The following PDE10A variants were observed in gnomAD, a reference collection of about 807,000 sequenced individuals.
PDE10A encodes phosphodiesterase 10A, also known as cAMP and cAMP-inhibited cGMP 3',5'-cyclic phosphodiesterase 10A.
Under a neutral mutation model 97.7 loss-of-function variants are expected in PDE10A, and 39 were observed. That is an observed-to-expected ratio of 0.40 (90% CI 0.31 to 0.52). The LOEUF (loss-of-function observed/expected upper bound fraction) is 0.52. PDE10A is among the 20% of genes least tolerant of loss of function. PDE10A has a pLI of 0.56. For synonymous variants in PDE10A, 371 were observed against 376.8 expected, an observed-to-expected ratio of 0.98 and a Z score of 0.18; for missense variants, 731 against 1,047.8, an observed-to-expected ratio of 0.70 and a Z score of 4.17.
At chr6:165,859,954 T>C (rs953554805) in intron 1 of PDE10A, among the ~76,000 whole-genome samples, 1 of 152,094 alleles carries the variant, frequency 6.6e-6, no homozygotes, top group African/African-American at 2.4e-5. Context: ...AAACCAAACA[T>C]CATATGTTCT....
At chr6:165,359,776 T>C (rs1431773300) in intron 18 of PDE10A, among the ~76,000 whole-genome samples, 1 of 152,124 alleles carries the variant, frequency 6.6e-6, no homozygotes, top group East Asian at 1.9e-4. Context: ...TTTGGTGGGC[T>C]ATATGTAACA....
At chr6:165,500,849 T>C (rs1780829520) in intron 2 of PDE10A, among the ~76,000 whole-genome samples, 1 of 152,136 alleles carries the variant, frequency 6.6e-6, no homozygotes, top group African/African-American at 2.4e-5. Flanking sequence ...AAAACCGCCT[T>C]AGGGCTGAAG....
intron 1 of PDE10A, among the ~76,000 whole-genome samples, chr6:165,783,070 T>C (rs1204412748): frequency 6.7e-6 from 1 of 149,984 alleles, no homozygotes; most frequent in Non-Finnish European, 1.5e-5. Flanking sequence ...TGTAGAATTA[T>C]GTGGTCTGTG....
At chr6:165,933,937 G>A (rs1057064076) in intron 1 of PDE10A, among the ~76,000 whole-genome samples, 98 of 151,942 alleles carry the variant, frequency 6.4e-4, no homozygotes, top group African/African-American at 2.3e-3. Context: ...TAAATTCTGG[G>A]ACAAAAGCAC....
intron 1 of PDE10A, among the ~76,000 whole-genome samples, chr6:165,773,587 G>A (rs1294349537): frequency 6.6e-6 from 1 of 152,028 alleles, no homozygotes; most frequent in African/African-American, 2.4e-5. Flanking sequence ...ATATAGCCAA[G>A]AACAAAAAAT....
chr6:165,825,181 AAG>A (rs1779697971), intron 1 of PDE10A, among the ~76,000 whole-genome samples: 3 of 150,906 alleles, frequency 2.0e-5, no homozygotes, highest in Admixed American at 1.3e-4. Flanking sequence ...AAAAAAAAGA[AAG>A]GGGGGCATTT....
intron 2 of PDE10A, among the ~76,000 whole-genome samples, chr6:165,542,639 G>A (rs1156871230): frequency 1.4e-4 from 2 of 14,126 alleles, no homozygotes; most frequent in African/African-American, 4.0e-4. Flanking sequence ...TTTTTTTTTT[G>A]AGACAGTCTT....
At chr6:165,518,975 A>T (rs1304722963) in intron 2 of PDE10A, among the ~76,000 whole-genome samples, 1 of 152,198 alleles carries the variant, frequency 6.6e-6, no homozygotes, top group African/African-American at 2.4e-5. Context: ...CAGTGCATAC[A>T]GGGAAACTAC....
intron 1 of PDE10A, among the ~76,000 whole-genome samples, chr6:165,893,374 C>T (rs934407562): frequency 4.6e-5 from 7 of 152,198 alleles, no homozygotes; most frequent in Admixed American, 1.3e-4. Context: ...AAGCACTCTC[C>T]TAAGTTAGGC....
intron 1 of PDE10A, among the ~76,000 whole-genome samples, chr6:165,850,733 C>G (rs1780551677): frequency 6.6e-6 from 1 of 152,082 alleles, no homozygotes; most frequent in Non-Finnish European, 1.5e-5. Flanking sequence ...AAAGACTCCC[C>G]TTAAGAAGCA....
At chr6:165,858,236 C>T (rs1440638996) in intron 1 of PDE10A, among the ~76,000 whole-genome samples, 5 of 152,148 alleles carry the variant, frequency 3.3e-5, no homozygotes, top group Admixed American at 6.5e-5. Flanking sequence ...AGACTTACAA[C>T]ATTCTTCCTG....
At chr6:165,796,972 T>A (rs572331967) in intron 1 of PDE10A, among the ~76,000 whole-genome samples, 1 of 152,332 alleles carries the variant, frequency 6.6e-6, no homozygotes, top group Non-Finnish European at 1.5e-5. Flanking sequence ...ATTCTGGAAG[T>A]TAGGTATAAA....
intron 1 of PDE10A, among the ~76,000 whole-genome samples, chr6:165,550,739 T>C (rs764375048): frequency 6.6e-6 from 1 of 152,204 alleles, no homozygotes; most frequent in African/African-American, 2.4e-5. Flanking sequence ...CAATTCAACT[T>C]CAGGCAGAAT....
chr6:165,908,123 G>A (rs1425783134), intron 1 of PDE10A, among the ~76,000 whole-genome samples: 4 of 152,170 alleles, frequency 2.6e-5, no homozygotes, highest in African/African-American at 9.7e-5. Context: ...GAAAAGTAAG[G>A]CTAAGTTTTG....
chr6:165,452,000 A>T (rs1791329735), intron 3 of PDE10A, among the ~76,000 whole-genome samples: 1 of 152,224 alleles, frequency 6.6e-6, no homozygotes, highest in African/African-American at 2.4e-5. Flanking sequence ...AGGCTTAGCA[A>T]GATTGGAATG....
chr6:165,917,242 G>A (rs942062734), intron 1 of PDE10A, among the ~76,000 whole-genome samples: 1 of 152,174 alleles, frequency 6.6e-6, no homozygotes, highest in African/African-American at 2.4e-5. Flanking sequence ...CTAGGTGCCC[G>A]CAGCGGACAT....
At chr6:165,694,559 G>A (rs9348036) in intron 1 of PDE10A, among the ~76,000 whole-genome samples, 12,565 of 152,126 alleles carry the variant, frequency 0.083, 829 homozygotes, top group East Asian at 0.26. Context: ...AGCGGGCGGT[G>A]TCGGGAGACC....
intron 17 of PDE10A, among the ~76,000 whole-genome samples, chr6:165,385,787 G>A (rs895779705): frequency 1.8e-4 from 28 of 152,262 alleles, no homozygotes; most frequent in African/African-American, 5.3e-4. Flanking sequence ...TCTGTTTATG[G>A]CCCCAATATT....
At chr6:165,495,892 G>C (rs1317229305) in intron 2 of PDE10A, among the ~76,000 whole-genome samples, 1 of 151,992 alleles carries the variant, frequency 6.6e-6, no homozygotes, top group East Asian at 1.9e-4. Context: ...AATAATCCTT[G>C]TCTTCATGAA....
Sources: allele counts gnomAD v4.1 joint callset (sites outside exome capture counted in the v4.1 genomes callset), GRCh38; gene constraint gnomAD v4.1.1; transcripts MANE v1.5; gene names NCBI Gene and HGNC (gene_info 2026-07-23, HGNC 2026-07-21).